Variants in RASGEF1C observed in about 807,000 individuals in gnomAD.
The protein encoded by RASGEF1C is RasGEF domain family member 1C, also known as ras-GEF domain-containing family member 1C.
RASGEF1C carries 27 observed loss-of-function variants against 58.1 expected under a neutral mutation model. That is an observed-to-expected ratio of 0.46 (90% CI 0.34 to 0.64). The LOEUF (loss-of-function observed/expected upper bound fraction) is 0.64. RASGEF1C is among the 30% of genes least tolerant of loss of function. The pLI is 0.01. For missense variants in RASGEF1C, 502 were observed against 605.1 expected, an observed-to-expected ratio of 0.83 and a Z score of 1.79; for synonymous variants, 243 against 246.3, an observed-to-expected ratio of 0.99 and a Z score of 0.13.
chr5:180,111,123 CT>C (rs1218752229), intron 12 of RASGEF1C, among the ~76,000 whole-genome samples: 1 of 152,076 alleles, frequency 6.6e-6, no homozygotes, highest in Non-Finnish European at 1.5e-5. Flanking sequence ...GAGGGTGATT[CT>C]TATCATCATC....
intron 1 of RASGEF1C, among the ~76,000 whole-genome samples, chr5:180,169,311 C>T (rs1430850673): frequency 1.3e-5 from 2 of 152,146 alleles, no homozygotes; most frequent in African/African-American, 2.4e-5. Flanking sequence ...TGGCTGCGCC[C>T]CGAACAGGCC....
At chr5:180,134,504 G>C (rs931229172) in intron 4 of RASGEF1C, among the ~76,000 whole-genome samples, 2 of 151,438 alleles carry the variant, frequency 1.3e-5, no homozygotes, top group Non-Finnish European at 2.9e-5. Flanking sequence ...CAGGAGACTG[G>C]GGTCTCACCC....
At chr5:180,120,917 C>A (rs11249669) in intron 7 of RASGEF1C, 143 bp downstream of exon 7, 192,395 of 622,746 alleles carry the variant, frequency 0.31, 32,617 homozygotes, top group East Asian at 0.47. Context: ...CACCTGGAGT[C>A]CTGGAGGGGT....
intron 6 of RASGEF1C, among the ~76,000 whole-genome samples, chr5:180,122,119 G>GCA (rs1766186455): frequency 1.3e-5 from 2 of 152,132 alleles, no homozygotes; most frequent in Non-Finnish European, 2.9e-5. Context: ...TTAAACATAA[G>GCA]CACACATAAA....
intron 1 of RASGEF1C, among the ~76,000 whole-genome samples, chr5:180,200,969 G>A (rs976140171): frequency 4.6e-5 from 7 of 152,160 alleles, no homozygotes; most frequent in Admixed American, 3.3e-4. Context: ...GTGGTGGCAG[G>A]TGCTTGTGGT....
At chr5:180,193,344 C>T (rs578208795) in intron 1 of RASGEF1C, among the ~76,000 whole-genome samples, 47 of 152,148 alleles carry the variant, frequency 3.1e-4, no homozygotes, top group Non-Finnish European at 5.7e-4. Flanking sequence ...CGTGAGCCAC[C>T]GTGCCCGGCC....
At chr5:180,208,290 A>T (rs1176568793) in intron 1 of RASGEF1C, among the ~76,000 whole-genome samples, 1 of 152,054 alleles carries the variant, frequency 6.6e-6, no homozygotes, top group African/African-American at 2.4e-5. Flanking sequence ...GGCAGGAGAT[A>T]CGGGCCCGGA....
chr5:180,123,485 A>T (rs116220894), intron 6 of RASGEF1C, among the ~76,000 whole-genome samples: 1 of 152,214 alleles, frequency 6.6e-6, no homozygotes, highest in East Asian at 1.9e-4. Flanking sequence ...GAAATAATCT[A>T]TGTTTCAAAG....
chr5:180,135,551 C>A (rs1192922086), intron 4 of RASGEF1C, among the ~76,000 whole-genome samples: 3 of 152,200 alleles, frequency 2.0e-5, no homozygotes, highest in Non-Finnish European at 4.4e-5. Flanking sequence ...GATAAACTTG[C>A]CCCTTCTAAA....
intron 1 of RASGEF1C, among the ~76,000 whole-genome samples, chr5:180,164,501 A>G (rs1766990272): frequency 6.6e-6 from 1 of 152,196 alleles, no homozygotes; most frequent in African/African-American, 2.4e-5. Context: ...CTATATTTTC[A>G]TTCAGTTAAA....
chr5:180,140,082 C>T (rs1353865127), intron 1 of RASGEF1C, among the ~76,000 whole-genome samples: 1 of 152,156 alleles, frequency 6.6e-6, no homozygotes, highest in Non-Finnish European at 1.5e-5. Context: ...CCCAGGGGAC[C>T]TGGGGCCTGG....
intron 1 of RASGEF1C, among the ~76,000 whole-genome samples, chr5:180,173,912 A>AAAAC (rs1554114646): frequency 6.9e-6 from 1 of 145,952 alleles, no homozygotes; most frequent in South Asian, 2.2e-4. Context: ...GACTGTCTCA[A>AAAAC]AACAACCACC....
chr5:180,103,109 G>C (rs540660880), intron 12 of RASGEF1C, among the ~76,000 whole-genome samples: 1 of 152,116 alleles, frequency 6.6e-6, no homozygotes, highest in East Asian at 1.9e-4. Flanking sequence ...CAGAAGTCTC[G>C]CTCTGTCGCC....
At chr5:180,182,139 A>G (rs1247398547) in intron 1 of RASGEF1C, among the ~76,000 whole-genome samples, 1 of 132,524 alleles carries the variant, frequency 7.5e-6, no homozygotes, top group Non-Finnish European at 1.6e-5. Context: ...CGGGAGGTGG[A>G]GCTTGCAGTG....
chr5:180,176,044 A>G (rs1483560973), intron 1 of RASGEF1C, among the ~76,000 whole-genome samples: 1 of 152,228 alleles, frequency 6.6e-6, no homozygotes, highest in African/African-American at 2.4e-5. Flanking sequence ...GACAGTGACA[A>G]TGCTGCATTA....
At chr5:180,136,130 G>A (rs910562253) in intron 4 of RASGEF1C, among the ~76,000 whole-genome samples, 1 of 152,256 alleles carries the variant, frequency 6.6e-6, no homozygotes, top group African/African-American at 2.4e-5. Flanking sequence ...CAAAAGCCCA[G>A]GAATGGGTCC....
rs1756317165 is a variant in RASGEF1C at position 180,198,358 on chromosome 5, T to C, written c.-7+10670A>G. On this transcript the variant is annotated intron_variant, in intron 1 of 13. Transcript: ENST00000361132. This position sits in a 1 kb window ranked among gnomAD's most constrained non-coding sequence, Gnocchi z 4.5. ...GCCAGCTCTGGCGTTGAGAGCCCCA[T>C]CTGGTGTCTGAGGCCCAGAGCAATC... is the stretch of plus-strand genomic sequence containing the variant. Among the ~76,000 whole-genome samples the C allele has an allele frequency of 6.6e-6, 1 of 152,240 alleles. No individual in the cohort carries two copies. Among genetic ancestry groups the C allele is most frequent in the Admixed American group, 6.5e-5 (1 of 15,280 alleles).
chr5:180,148,544 C>A (rs1766693770), intron 1 of RASGEF1C, among the ~76,000 whole-genome samples: 1 of 152,074 alleles, frequency 6.6e-6, no homozygotes, highest in Non-Finnish European at 1.5e-5. Flanking sequence ...CATTTAACAT[C>A]CTAAAGTTAC....
chr5:180,163,699 T>C (rs1373306186), intron 1 of RASGEF1C, among the ~76,000 whole-genome samples: 2 of 152,194 alleles, frequency 1.3e-5, no homozygotes, highest in Non-Finnish European at 2.9e-5. Context: ...ATTTACTATA[T>C]TTTGCTAAAG....
Sources: allele counts gnomAD v4.1 joint callset (sites outside exome capture counted in the v4.1 genomes callset), GRCh38; gene constraint gnomAD v4.1.1; non-coding constraint Gnocchi (gnomAD v3.1); transcripts MANE v1.5; gene names NCBI Gene and HGNC (gene_info 2026-07-23, HGNC 2026-07-21).